Variants in LRP1B observed in about 807,000 individuals in gnomAD.
LRP1B encodes the protein low-density lipoprotein receptor-related protein 1B.
Under a neutral mutation model 556.6 loss-of-function variants are expected in LRP1B, and 217 were observed. The ratio of observed to expected loss-of-function variants is 0.39; its 90% CI spans 0.35 to 0.44. The LOEUF is 0.44. Among genes scored for constraint, LRP1B ranks in the 20% least tolerant of loss-of-function variants. The pLI is 1.00. For synonymous variants in LRP1B, 2,047 were observed against 1,865.8 expected (o/e 1.10, Z -2.50); for missense variants, 5,053 against 5,620.8 (o/e 0.90, Z 3.23).
intron 25 of LRP1B, among the ~76,000 whole-genome samples, chr2:140,879,002 A>G (rs776738913): frequency 0.014 from 2,151 of 151,996 alleles, 31 homozygotes; most frequent in Middle Eastern, 0.031. Flanking sequence ...AAAAAAAAAA[A>G]AAAGAAAAAG....
chr2:141,180,857 A>C (rs1481343178), intron 7 of LRP1B, among the ~76,000 whole-genome samples: 3 of 151,986 alleles, frequency 2.0e-5, no homozygotes, highest in Admixed American at 2.0e-4. Flanking sequence ...ATATTTGTTC[A>C]CATTTTGAGC....
intron 2 of LRP1B, among the ~76,000 whole-genome samples, chr2:141,666,789 C>G (rs6735255): frequency 0.33 from 49,662 of 151,980 alleles, 8,983 homozygotes; most frequent in East Asian, 0.62. Context: ...TATACGTCTC[C>G]AGCAGGACAA....
chr2:140,772,078 C>T (rs1279655716), intron 33 of LRP1B, among the ~76,000 whole-genome samples: 1 of 152,130 alleles, frequency 6.6e-6, no homozygotes, highest in African/African-American at 2.4e-5. Flanking sequence ...CTGCTCATGT[C>T]CTGTATCTGC....
intron 1 of LRP1B, among the ~76,000 whole-genome samples, chr2:141,947,979 G>A (rs1200824875): frequency 1.3e-5 from 2 of 151,940 alleles, no homozygotes; most frequent in African/African-American, 4.8e-5. Context: ...CTGGTACTGA[G>A]CCTCAGTTTT....
At chr2:140,524,863 AG>A (rs1415576846) in intron 49 of LRP1B, among the ~76,000 whole-genome samples, 1 of 151,880 alleles carries the variant, frequency 6.6e-6, no homozygotes, top group Non-Finnish European at 1.5e-5. Context: ...AATGCGTGAC[AG>A]GATCAATACA....
At chr2:141,995,914 GA>G (rs1702475661) in intron 1 of LRP1B, among the ~76,000 whole-genome samples, 1 of 152,112 alleles carries the variant, frequency 6.6e-6, no homozygotes, top group Admixed American at 6.6e-5. Context: ...CAGTTTTGTG[GA>G]AAAGAGGGAA....
chr2:142,110,104 T>C (rs969275330), intron 1 of LRP1B, among the ~76,000 whole-genome samples: 2 of 152,138 alleles, frequency 1.3e-5, no homozygotes, highest in African/African-American at 4.8e-5. Flanking sequence ...CTATCCTTTA[T>C]GTAAATTTAT....
rs1198745842 is a variant in LRP1B at position 141,631,579 on chromosome 2, A to G, written c.206-151046T>C. Among the ~76,000 whole-genome samples, 6 of 151,134 alleles carry G rather than the reference A, an allele frequency of 4.0e-5. 1 individual carries two copies. The highest frequency in any genetic ancestry group is 1.5e-4 in the African/African-American group (6 of 41,284). Reference sequence around the variant, plus strand: ...AAAAAGGGGAAATTCACAGCAATCAATCAGAAGGGGCCTGGTTTACCTGAG... The same window carrying G: ...AAAAAGGGGAAATTCACAGCAATCAGTCAGAAGGGGCCTGGTTTACCTGAG... On this transcript the variant is annotated intron_variant, in intron 2 of 90. Coordinates refer to ENST00000389484, the MANE Select transcript of LRP1B (RefSeq NM_018557.3).
At chr2:141,206,797 G>A (rs1191304738) in intron 6 of LRP1B, among the ~76,000 whole-genome samples, 1 of 152,110 alleles carries the variant, frequency 6.6e-6, no homozygotes, top group East Asian at 1.9e-4. Flanking sequence ...GCAGAAGTGA[G>A]AGTGAGGCTA....
rs1375023862 is a variant in LRP1B, at chr2:140,951,977, T to A, written c.2888-37A>T. The A allele has an allele frequency of 2.9e-6, 4 of 1,387,678 alleles. No homozygotes were observed. In the African/African-American group the frequency reaches 5.7e-5, roughly 20 times the overall value. 86.0% of individuals were successfully genotyped at this position (1,387,678 alleles called of 1,614,324 possible). ...ATAAAAATGTCCAAAAGGTAACATG[T>A]TATTGACTGTGCATGACATAATTCG... On this transcript the variant is annotated intron_variant, in intron 18 of 90. Coordinates refer to ENST00000389484, the MANE Select transcript of LRP1B (RefSeq NM_018557.3).
At chr2:141,034,878 A>G (rs1436011970) in intron 11 of LRP1B, among the ~76,000 whole-genome samples, 1 of 151,938 alleles carries the variant, frequency 6.6e-6, no homozygotes, top group African/African-American at 2.4e-5. Context: ...AAGGACTATG[A>G]TTCATGCTGC....
chr2:140,532,354 C>T (rs72909085), intron 47 of LRP1B, among the ~76,000 whole-genome samples: 2,859 of 151,962 alleles, frequency 0.019, 36 homozygotes, highest in Non-Finnish European at 0.029. Flanking sequence ...TGCCCTGGCT[C>T]CTTCCCATAC....
chr2:140,303,231 T>C (rs1683918978), intron 83 of LRP1B, among the ~76,000 whole-genome samples: 1 of 140,764 alleles, frequency 7.1e-6, no homozygotes, highest in Non-Finnish European at 1.6e-5. Flanking sequence ...AAAAATAAAC[T>C]CTTTTTTATT....
rs145172791 is a variant in LRP1B, at chr2:141,849,173, T to C, written c.83-38772A>G. Among the ~76,000 whole-genome samples, 512 of 151,768 alleles carry C rather than the reference T, an allele frequency of 3.4e-3. 2 individuals are homozygous for C. Among genetic ancestry groups the C allele is most frequent in the African/African-American group, 0.012 (486 of 41,508 alleles). On this transcript the variant is annotated intron_variant, in intron 1 of 90. Transcript: ENST00000389484. The stretch of plus-strand genomic sequence containing the variant: ...TTAATTATTCAGGCTTACAATGTCT[T>C]GCATCTAATGCTTAACTAAATTTTC...
chr2:142,099,601 C>T (rs373280277), intron 1 of LRP1B, among the ~76,000 whole-genome samples: 2 of 152,022 alleles, frequency 1.3e-5, no homozygotes, highest in South Asian at 2.1e-4. Flanking sequence ...AATCCCAAAT[C>T]GAACTAATGG....
chr2:140,729,232 C>T (rs1044636127), intron 35 of LRP1B, among the ~76,000 whole-genome samples: 3 of 152,156 alleles, frequency 2.0e-5, no homozygotes, highest in Non-Finnish European at 4.4e-5. Context: ...TCAAGATCAT[C>T]GCCTGTGATT....
chr2:140,917,762 G>A (rs1694621287), intron 21 of LRP1B, among the ~76,000 whole-genome samples: 1 of 151,914 alleles, frequency 6.6e-6, no homozygotes, highest in Admixed American at 6.6e-5. Context: ...CTATAATGAT[G>A]GATACATGTC....
At chr2:141,150,866 GGTTTGTGTGTGTGTGT>G (rs945197989) in intron 7 of LRP1B, among the ~76,000 whole-genome samples, 6 of 45,862 alleles carry the variant, frequency 1.3e-4, no homozygotes, top group South Asian at 1.4e-3. Flanking sequence ...TTGTCATGCT[GGTTTGTGTGTGTGTGT>G]GTGTGTGTGT....
At chr2:141,292,974 G>A (rs1451128666) in intron 3 of LRP1B, among the ~76,000 whole-genome samples, 2 of 152,074 alleles carry the variant, frequency 1.3e-5, no homozygotes, top group African/African-American at 4.8e-5. Context: ...TCAATAGTAG[G>A]GGAAAGTGGG....
Sources: gnomAD v4.1 joint callset for allele counts (sites outside exome capture counted in the v4.1 genomes callset) on GRCh38, gnomAD v4.1.1 for gene constraint, MANE v1.5 for transcripts, NCBI Gene and HGNC (gene_info 2026-07-23, HGNC 2026-07-21) for gene names.